Variants in SAMMSON observed in about 807,000 individuals in gnomAD.
The protein encoded by SAMMSON is survival associated mitochondrial melanoma specific oncogenic non-coding RNA, also known as long intergenic non-protein coding RNA 1212.
At chr3:70,316,943 T>C (rs1386065451) in intron 7 of SAMMSON, among the ~76,000 whole-genome samples, 4 of 152,080 alleles carry the variant, frequency 2.6e-5, no homozygotes, top group Non-Finnish European at 5.9e-5. Context: ...TTGGCTGGCA[T>C]TGAGAAATCG....
At chr3:70,036,892 G>C (rs951783657) in intron 3 of SAMMSON, among the ~76,000 whole-genome samples, 5 of 152,056 alleles carry the variant, frequency 3.3e-5, no homozygotes, top group African/African-American at 9.7e-5. Flanking sequence ...GTGCTGAATG[G>C]AGGAATCAAC....
At chr3:70,262,523 G>A (rs143972045) in intron 6 of SAMMSON, among the ~76,000 whole-genome samples, 427 of 152,210 alleles carry the variant, frequency 2.8e-3, no homozygotes, top group Admixed American at 8.6e-3. Context: ...CTGGAATGCC[G>A]TTTCATGTGG....
At chr3:70,423,037 A>G (rs1342249738) in intron 2 of SAMMSON, among the ~76,000 whole-genome samples, 1 of 152,098 alleles carries the variant, frequency 6.6e-6, no homozygotes, top group Admixed American at 6.5e-5. Flanking sequence ...GGGAAAGGAT[A>G]TATCATTACA....
At chr3:70,052,884 G>A (rs181477420) in intron 3 of SAMMSON, among the ~76,000 whole-genome samples, 26 of 152,204 alleles carry the variant, frequency 1.7e-4, no homozygotes, top group African/African-American at 2.9e-4. Flanking sequence ...ACGTTAATGC[G>A]TATTATTTCA....
intron 6 of SAMMSON, among the ~76,000 whole-genome samples, chr3:70,283,123 G>A (rs1462299305): frequency 6.6e-6 from 1 of 152,122 alleles, no homozygotes; most frequent in Non-Finnish European, 1.5e-5. Flanking sequence ...TCAAGAAAAT[G>A]CATTTATCTT....
chr3:70,400,077 T>C (rs1484139020), intron 2 of SAMMSON, among the ~76,000 whole-genome samples: 1 of 152,132 alleles, frequency 6.6e-6, no homozygotes, highest in African/African-American at 2.4e-5. Context: ...TTTCAATATA[T>C]ATTCAACATA....
At chr3:70,420,090 G>T (rs935531251) in intron 2 of SAMMSON, among the ~76,000 whole-genome samples, 2 of 152,210 alleles carry the variant, frequency 1.3e-5, no homozygotes, top group Non-Finnish European at 2.9e-5. Context: ...CTGGTGAAAG[G>T]TCCCTGAATT....
At chr3:70,401,731 G>T (rs1190069431) in intron 2 of SAMMSON, among the ~76,000 whole-genome samples, 1 of 151,960 alleles carries the variant, frequency 6.6e-6, no homozygotes, top group Non-Finnish European at 1.5e-5. Flanking sequence ...TTTTAGCTTA[G>T]GTTTCCTTTT....
At chr3:70,361,387 A>G (rs1702869732) in intron 9 of SAMMSON, among the ~76,000 whole-genome samples, 1 of 152,184 alleles carries the variant, frequency 6.6e-6, no homozygotes, top group African/African-American at 2.4e-5. Flanking sequence ...CTGAACCACT[A>G]TGGAAAGGAA....
At chr3:70,206,307 A>G (rs952448107) in intron 4 of SAMMSON, among the ~76,000 whole-genome samples, 35 of 152,012 alleles carry the variant, frequency 2.3e-4, no homozygotes, top group Non-Finnish European at 2.2e-4. Context: ...TCATAGCCCC[A>G]TAGCAATAAT....
chr3:70,243,279 C>T (rs2106643297), intron 4 of SAMMSON, among the ~76,000 whole-genome samples: 1 of 152,046 alleles, frequency 6.6e-6, no homozygotes, highest in Middle Eastern at 3.4e-3. Context: ...GTCTTGGAGG[C>T]CTTTGAAATG....
intron 4 of SAMMSON, chr3:70,205,260 G>A (rs897862282): frequency 6.6e-6 from 1 of 152,114 alleles, no homozygotes; most frequent in African/African-American, 2.4e-5. Flanking sequence ...AGCTGGTACT[G>A]TGTCGAGGTA....
downstream of SAMMSON, among the ~76,000 whole-genome samples, chr3:70,391,723 C>G (rs1310688785): frequency 6.6e-6 from 1 of 152,038 alleles, no homozygotes; most frequent in African/African-American, 2.4e-5. Flanking sequence ...TTTCAATCTC[C>G]TGGTGTTAAA....
chr3:70,159,297 G>A (rs1398243565), intron 4 of SAMMSON, among the ~76,000 whole-genome samples: 1 of 151,706 alleles, frequency 6.6e-6, no homozygotes, highest in East Asian at 1.9e-4. Flanking sequence ...TTAACATTAG[G>A]TATATCTCCT....
At chr3:70,148,453 CTGTT>C (rs770385333) in intron 4 of SAMMSON, among the ~76,000 whole-genome samples, 1 of 152,022 alleles carries the variant, frequency 6.6e-6, no homozygotes, top group Non-Finnish European at 1.5e-5. Context: ...TTGTCTTAGT[CTGTT>C]TGTGTTGCTA....
intron 4 of SAMMSON, among the ~76,000 whole-genome samples, chr3:70,098,928 G>A (rs573567826): frequency 1.9e-4 from 29 of 152,020 alleles, no homozygotes; most frequent in South Asian, 4.1e-4. Context: ...TTATTACACC[G>A]CATGTTTTCA....
intron 2 of SAMMSON, among the ~76,000 whole-genome samples, chr3:70,420,329 C>T (rs1701301368): frequency 1.3e-5 from 2 of 152,116 alleles, no homozygotes; most frequent in African/African-American, 4.8e-5. Flanking sequence ...AAGGAGCTCA[C>T]ATTTTCAAGA....
At chr3:70,278,838 C>T (rs1206176990) in intron 6 of SAMMSON, among the ~76,000 whole-genome samples, 1 of 151,688 alleles carries the variant, frequency 6.6e-6, no homozygotes, top group African/African-American at 2.4e-5. Context: ...GATAGCAAGC[C>T]ACCTCAAATC....
chr3:70,275,008 T>C (rs1295698845), intron 6 of SAMMSON, among the ~76,000 whole-genome samples: 1 of 152,060 alleles, frequency 6.6e-6, no homozygotes, highest in African/African-American at 2.4e-5. Context: ...CTCAGAACCT[T>C]GTTTCTCAAA....
Sources: allele counts gnomAD v4.1 joint callset (sites outside exome capture counted in the v4.1 genomes callset), GRCh38; gene constraint gnomAD v4.1.1; transcripts MANE v1.5; gene names NCBI Gene and HGNC (gene_info 2026-07-23, HGNC 2026-07-21).